ITGA9: variants seen among roughly 807,000 people sequenced by gnomAD.
The protein encoded by ITGA9 is integrin subunit alpha 9.
A neutral mutation model predicts 127.8 loss-of-function variants in ITGA9; 56 were observed. That is an observed-to-expected ratio of 0.44 (90% CI 0.35 to 0.55). The LOEUF is 0.55. Among genes scored for constraint, ITGA9 ranks in the 20% least tolerant of loss-of-function variants. ITGA9 has a pLI of 0.00. For missense variants in ITGA9, 1,196 were observed against 1,347.1 expected (o/e 0.89, Z 1.76); for synonymous variants, 508 against 514.5 (o/e 0.99, Z 0.17).
intron 15 of ITGA9, among the ~76,000 whole-genome samples, chr3:37,606,782 T>C (rs745392040): frequency 1.5e-4 from 23 of 152,098 alleles, no homozygotes; most frequent in Non-Finnish European, 2.9e-4. Flanking sequence ...ATGGGCTTTC[T>C]TCTGTTTGAT....
intron 15 of ITGA9, among the ~76,000 whole-genome samples, chr3:37,610,047 A>G (rs1433082885): frequency 2.0e-5 from 3 of 152,188 alleles, no homozygotes; most frequent in Non-Finnish European, 2.9e-5. Context: ...AGAAAATGTC[A>G]TGAGGGAGGA....
At chr3:37,551,635 T>C (rs1027555686) in intron 15 of ITGA9, among the ~76,000 whole-genome samples, 11 of 152,332 alleles carry the variant, frequency 7.2e-5, no homozygotes, top group African/African-American at 2.6e-4. Flanking sequence ...CATCCATTCC[T>C]AAGGTCATTT....
intron 1 of ITGA9, among the ~76,000 whole-genome samples, chr3:37,461,634 C>T (rs1240155226): frequency 6.6e-6 from 1 of 152,170 alleles, no homozygotes; most frequent in Non-Finnish European, 1.5e-5. Context: ...TGACACTCAA[C>T]ACTGAAATGA....
chr3:37,663,866 G>A (rs1700560606), intron 17 of ITGA9, among the ~76,000 whole-genome samples: 2 of 152,170 alleles, frequency 1.3e-5, no homozygotes, highest in East Asian at 1.9e-4. Context: ...AATAACAGCA[G>A]CACCTTATAA....
At chr3:37,738,297 G>T (rs969566445) in intron 20 of ITGA9, among the ~76,000 whole-genome samples, 2 of 152,240 alleles carry the variant, frequency 1.3e-5, no homozygotes, top group Non-Finnish European at 2.9e-5. Flanking sequence ...AGAGGAGTCT[G>T]TTTTCAGGCT....
intron 15 of ITGA9, among the ~76,000 whole-genome samples, chr3:37,548,383 G>A (rs1343267594): frequency 2.0e-5 from 3 of 152,098 alleles, no homozygotes; most frequent in African/African-American, 7.2e-5. Flanking sequence ...TGGTTGTAGC[G>A]GTTGTATGGT....
At chr3:37,559,994 C>T (rs934433970) in intron 15 of ITGA9, among the ~76,000 whole-genome samples, 4 of 152,166 alleles carry the variant, frequency 2.6e-5, no homozygotes, top group Admixed American at 6.5e-5. Context: ...GGTACATGTG[C>T]ACAACGTGCA....
At chr3:37,477,932 A>G (rs552174123) in intron 3 of ITGA9, among the ~76,000 whole-genome samples, 55 of 151,222 alleles carry the variant, frequency 3.6e-4, no homozygotes, top group Middle Eastern at 6.8e-3. Flanking sequence ...TTTCAAAGCC[A>G]CAGGGTACAT....
At chr3:37,550,372 G>T (rs1024582298) in intron 15 of ITGA9, among the ~76,000 whole-genome samples, 2 of 152,220 alleles carry the variant, frequency 1.3e-5, no homozygotes, top group African/African-American at 4.8e-5. Context: ...GACCTTCTCT[G>T]TGTTAAGCAT....
chr3:37,635,561 T>TTTTTATTTTA (rs149340883), intron 16 of ITGA9, among the ~76,000 whole-genome samples: 17 of 149,374 alleles, frequency 1.1e-4, no homozygotes, highest in Admixed American at 4.0e-4. Context: ...ATGAAAATTG[T>TTTTTATTTTA]TTTTATTTTA....
intron 15 of ITGA9, among the ~76,000 whole-genome samples, chr3:37,614,783 T>G (rs1353232250): frequency 1.3e-5 from 2 of 152,142 alleles, no homozygotes; most frequent in Non-Finnish European, 2.9e-5. Context: ...TATTGGTGTA[T>G]AAGAATGCTT....
At chr3:37,698,190 T>C (rs1700907018) in intron 18 of ITGA9, among the ~76,000 whole-genome samples, 1 of 152,254 alleles carries the variant, frequency 6.6e-6, no homozygotes. Context: ...TTGTTTGTTT[T>C]TTTTCTTGTA....
intron 11 of ITGA9, among the ~76,000 whole-genome samples, chr3:37,521,177 A>G (rs1238537782): frequency 6.6e-6 from 1 of 152,210 alleles, no homozygotes. Flanking sequence ...GCTAATATGC[A>G]TATGATAAGG....
At chr3:37,768,230 A>G (rs1185915962) in intron 23 of ITGA9, among the ~76,000 whole-genome samples, 1 of 152,234 alleles carries the variant, frequency 6.6e-6, no homozygotes, top group Non-Finnish European at 1.5e-5. Context: ...CTAAGCAACC[A>G]TGAATCATGG....
chr3:37,651,535 A>G (rs926798788), intron 16 of ITGA9, among the ~76,000 whole-genome samples: 15 of 152,348 alleles, frequency 9.8e-5, no homozygotes, highest in African/African-American at 3.6e-4. Flanking sequence ...CACAGAGGCA[A>G]GCAAGACCAG....
chr3:37,645,555 C>G (rs1700369265), intron 16 of ITGA9, among the ~76,000 whole-genome samples: 1 of 151,854 alleles, frequency 6.6e-6, no homozygotes, highest in Non-Finnish European at 1.5e-5. Flanking sequence ...CAGAACAAGA[C>G]TCATCTCAAA....
intron 23 of ITGA9, among the ~76,000 whole-genome samples, chr3:37,750,964 G>A (rs891349990): frequency 6.6e-5 from 10 of 152,252 alleles, no homozygotes; most frequent in African/African-American, 2.4e-4. Flanking sequence ...ATAGGGGCAC[G>A]TGAAGGACAT....
chr3:37,468,810 A>G lies in ITGA9; in HGVS notation c.186-2197A>G, dbSNP rs542141909. 2.6e-4 allele frequency among the ~76,000 whole-genome samples: 40 copies of G among 152,342 alleles called. 1 individual carries two copies. Among genetic ancestry groups the G allele is most frequent in the African/African-American group, 9.6e-4 (40 of 41,580 alleles). ...GAGATGATCTATTTCATGATACAGAAGAAACCCTTGTGAGGTGAATTCCCT... is the reference window on the plus strand; with the variant it reads ...GAGATGATCTATTTCATGATACAGAGGAAACCCTTGTGAGGTGAATTCCCT... On this transcript the variant is annotated intron_variant, in intron 1 of 27. Transcript: ENST00000264741.
Position 37,513,831 on chromosome 3 carries a change from G to C in ITGA9, c.966G>C (p.Leu322=). 6.2e-7 allele frequency: 1 copy of C among 1,613,900 alleles called. No individual in the cohort carries two copies. The highest frequency in any genetic ancestry group is 8.5e-7 in the Non-Finnish European group (1 of 1,180,026). Residue 322 remains leucine, a synonymous_variant, in exon 9 of 28, where the codon CTG becomes CTC. Coordinates refer to ENST00000264741, the MANE Select transcript of ITGA9 (RefSeq NM_002207.3). ...ATGGGGACGGCCTCTCTGACCTGCTGGTGGGGGCCCCCATGTTTTCTGAGA... is the reference window on the plus strand; with the variant it reads ...ATGGGGACGGCCTCTCTGACCTGCTCGTGGGGGCCCCCATGTTTTCTGAGA... The part of the protein sequence containing the change: ...DLNGDGLSDL[L]VGAPMFSEIR...
Sources: allele counts gnomAD v4.1 joint callset (sites outside exome capture counted in the v4.1 genomes callset), GRCh38; gene constraint gnomAD v4.1.1; transcripts MANE v1.5; gene names NCBI Gene and HGNC (gene_info 2026-07-23, HGNC 2026-07-21).